The following LRRTM3 variants were observed in gnomAD, a reference collection of about 807,000 sequenced individuals.
The protein encoded by LRRTM3 is leucine rich repeat transmembrane neuronal 3.
A neutral mutation model predicts 44.7 loss-of-function variants in LRRTM3; 24 were observed. The observed-to-expected ratio is 0.54, with a 90% CI of 0.39 to 0.76. The LOEUF (loss-of-function observed/expected upper bound fraction) is 0.76, where lower values mean the gene tolerates loss of function less well. Ranked by LOEUF, LRRTM3 falls within the 30% of genes least tolerant of loss-of-function variation. The pLI is 0.00. For synonymous variants in LRRTM3, 277 were observed against 278.7 expected (o/e 0.99, Z 0.06); for missense variants, 587 against 702.2 (o/e 0.84, Z 1.85).
Position 67,045,588 on chromosome 10 carries a change from C to T in LRRTM3, c.1537-51999C>T, listed in dbSNP as rs189905228. Among the ~76,000 whole-genome samples the T allele has an allele frequency of 5.0e-3, 760 of 152,270 alleles. 5 individuals carry two copies. The highest frequency in any genetic ancestry group is 0.017 in the African/African-American group (686 of 41,546). On this transcript the variant is annotated intron_variant, in intron 2 of 2. Coordinates refer to ENST00000361320, the MANE Select transcript of LRRTM3 (RefSeq NM_178011.5). ...CCAGGTTCCCCACGAACTTCCATTG[C>T]GTGACGGGCAAGGGGGCAGCTGCCT...
intron 2 of LRRTM3, among the ~76,000 whole-genome samples, chr10:67,093,115 T>C (rs1389061599): frequency 6.6e-6 from 1 of 151,918 alleles, no homozygotes; most frequent in Non-Finnish European, 1.5e-5. Flanking sequence ...GGTAAATTCA[T>C]GGAGAGAAAC....
chr10:67,091,929 AC>A (rs1482419120), intron 2 of LRRTM3, among the ~76,000 whole-genome samples: 3 of 152,212 alleles, frequency 2.0e-5, no homozygotes, highest in Admixed American at 2.0e-4. Flanking sequence ...AATATCATTA[AC>A]TAGAAGAAGA....
At chr10:67,019,224 A>T (rs1190978158) in intron 2 of LRRTM3, among the ~76,000 whole-genome samples, 1 of 151,826 alleles carries the variant, frequency 6.6e-6, no homozygotes, top group Non-Finnish European at 1.5e-5. Flanking sequence ...TTATTTTATT[A>T]TTATTTTGTT....
chr10:67,081,243 C>T (rs1857043671), intron 2 of LRRTM3, among the ~76,000 whole-genome samples: 1 of 152,074 alleles, frequency 6.6e-6, no homozygotes, highest in South Asian at 2.1e-4. Flanking sequence ...ATTTAAAATG[C>T]TTAATTCTCT....
intron 2 of LRRTM3, among the ~76,000 whole-genome samples, chr10:67,027,595 C>A (rs531129916): frequency 1.5e-4 from 23 of 151,984 alleles, no homozygotes; most frequent in African/African-American, 5.3e-4. Flanking sequence ...CCACCATGCC[C>A]AGCTAACTTT....
chr10:66,927,616 C>G lies in LRRTM3; in HGVS notation c.700C>G (p.Leu234Val), dbSNP rs764490237. 6.2e-7 allele frequency: 1 copy of G among 1,614,154 alleles called. No individual in the cohort carries two copies. Among genetic ancestry groups the G allele is most frequent in the Non-Finnish European group, 8.5e-7 (1 of 1,180,026 alleles). ...TCCAAGGTTGGTCAGCCTTCAGAACCTTTACTTGCAGTGGAATAAAATCAG... is the reference window on the plus strand; with the variant it reads ...TCCAAGGTTGGTCAGCCTTCAGAACGTTTACTTGCAGTGGAATAAAATCAG... ...LFPRLVSLQN[L>V]YLQWNKISVI... Residue 234 changes from leucine to valine, a missense_variant, in exon 2 of 3, where the codon CTT becomes GTT. Transcript: ENST00000361320. The surrounding 1 kb of genome is among the most constrained non-coding windows in gnomAD (Gnocchi z 4.7).
At chr10:67,029,834 G>A (rs958590271) in intron 2 of LRRTM3, among the ~76,000 whole-genome samples, 6 of 152,110 alleles carry the variant, frequency 3.9e-5, no homozygotes, top group African/African-American at 9.7e-5. Context: ...TTAAAAGCAC[G>A]GTTCCTCAAT....
intron 2 of LRRTM3, among the ~76,000 whole-genome samples, chr10:67,058,907 A>G (rs1020979908): frequency 3.3e-5 from 5 of 152,174 alleles, no homozygotes; most frequent in African/African-American, 7.2e-5. Flanking sequence ...CCTATCTTCT[A>G]GGCAGGCGTC....
chr10:67,067,337 A>G (rs563442630), intron 2 of LRRTM3, among the ~76,000 whole-genome samples: 93 of 152,184 alleles, frequency 6.1e-4, no homozygotes, highest in Non-Finnish European at 1.2e-3. Flanking sequence ...TGAGCAATAA[A>G]CCATATACTA....
At chr10:67,048,820 C>T (rs1269190955) in intron 2 of LRRTM3, among the ~76,000 whole-genome samples, 2 of 151,974 alleles carry the variant, frequency 1.3e-5, no homozygotes, top group Non-Finnish European at 2.9e-5. Flanking sequence ...ATAATAGTAA[C>T]ATGATGTCTC....
intron 2 of LRRTM3, among the ~76,000 whole-genome samples, chr10:67,046,498 C>T (rs550361744): frequency 2.0e-4 from 30 of 152,248 alleles, no homozygotes; most frequent in Admixed American, 2.0e-3. Context: ...CCTAGAAGAA[C>T]AAGGGGATTC....
intron 2 of LRRTM3, among the ~76,000 whole-genome samples, chr10:66,986,111 A>C (rs16923871): frequency 0.048 from 7,285 of 152,258 alleles, 371 homozygotes; most frequent in African/African-American, 0.13. Flanking sequence ...ACTAACTATA[A>C]ATTCCAGATT....
chr10:67,086,767 C>T (rs776658383), intron 2 of LRRTM3, among the ~76,000 whole-genome samples: 65 of 152,000 alleles, frequency 4.3e-4, no homozygotes, highest in Non-Finnish European at 5.9e-4. Flanking sequence ...GAGTTCTTTC[C>T]ACCAGTTGCT....
chr10:67,039,162 T>A (rs1337511284), intron 2 of LRRTM3, among the ~76,000 whole-genome samples: 1 of 152,096 alleles, frequency 6.6e-6, no homozygotes, highest in African/African-American at 2.4e-5. Context: ...AGCTATACTG[T>A]TACCATACTT....
At chr10:67,076,865 G>A (rs764142349) in intron 2 of LRRTM3, among the ~76,000 whole-genome samples, 22 of 152,004 alleles carry the variant, frequency 1.4e-4, no homozygotes, top group Non-Finnish European at 3.1e-4. Flanking sequence ...AATTCCTCTG[G>A]CCCAAACCTC....
intron 2 of LRRTM3, among the ~76,000 whole-genome samples, chr10:67,082,646 AG>A (rs1419606058): frequency 6.6e-6 from 1 of 152,212 alleles, no homozygotes; most frequent in African/African-American, 2.4e-5. Context: ...GAAACCGTGC[AG>A]GAATTAGATA....
chr10:67,008,680 C>A (rs115635734), intron 2 of LRRTM3, among the ~76,000 whole-genome samples: 1 of 152,210 alleles, frequency 6.6e-6, no homozygotes, highest in East Asian at 1.9e-4. Flanking sequence ...GATTTAGAAG[C>A]CCCAGCTAGG....
intron 2 of LRRTM3, among the ~76,000 whole-genome samples, chr10:66,945,952 G>A (rs900911258): frequency 7.2e-5 from 11 of 152,056 alleles, no homozygotes; most frequent in Non-Finnish European, 1.5e-4. Flanking sequence ...AACAATTACA[G>A]TAGTAACATC....
rs61866233 is a variant in LRRTM3 at position 67,002,901 on chromosome 10, A to G, written c.1536+74449A>G. ...GAAAGGATAAAAACTTAGTATCATT[A>G]TTATTCTAAACATACCAAGGCTCAA... is the stretch of plus-strand genomic sequence containing the variant. On this transcript the variant is annotated intron_variant, in intron 2 of 2. Transcript: ENST00000361320. 4.5e-3 allele frequency among the ~76,000 whole-genome samples: 678 copies of G among 152,322 alleles called. 2 individuals are homozygous for G. The highest frequency in any genetic ancestry group is 7.3e-3 in the Non-Finnish European group (499 of 68,026).
Sources: allele counts gnomAD v4.1 joint callset (sites outside exome capture counted in the v4.1 genomes callset), GRCh38; gene constraint gnomAD v4.1.1; non-coding constraint Gnocchi (gnomAD v3.1); transcripts MANE v1.5; gene names NCBI Gene and HGNC (gene_info 2026-07-23, HGNC 2026-07-21).